RFX3: variants seen among roughly 807,000 people sequenced by gnomAD.
The protein encoded by RFX3 is transcription factor RFX3.
A neutral mutation model predicts 98.6 loss-of-function variants in RFX3; 14 were observed. The observed-to-expected ratio is 0.14, with a 90% confidence interval of 0.09 to 0.22. RFX3 has a LOEUF of 0.22. RFX3 is among the 10% of genes least tolerant of loss of function. RFX3 has a pLI of 1.00. For synonymous variants in RFX3, 383 were observed against 328.4 expected (o/e 1.17, Z -1.80); for missense variants, 639 against 926.9 (o/e 0.69, Z 4.03).
chr9:3,232,997 G>A (rs1018838308), intron 15 of RFX3, among the ~76,000 whole-genome samples: 1 of 152,158 alleles, frequency 6.6e-6, no homozygotes, highest in African/African-American at 2.4e-5. Flanking sequence ...AATAGGAAAC[G>A]TTCCGAAGAG....
chr9:3,259,819 G>A (rs1822630142), intron 13 of RFX3, among the ~76,000 whole-genome samples: 1 of 152,050 alleles, frequency 6.6e-6, no homozygotes, highest in East Asian at 1.9e-4. Context: ...TGGATATCCT[G>A]AAAGGAACTT....
chr9:3,505,317 A>AT (rs1816903852), intron 1 of RFX3, among the ~76,000 whole-genome samples: 4 of 63,936 alleles, frequency 6.3e-5, no homozygotes, highest in African/African-American at 4.0e-4. Context: ...AATATATATT[A>AT]ATGTATATTT....
At chr9:3,446,422 G>T (rs1046746463) in intron 1 of RFX3, among the ~76,000 whole-genome samples, 1 of 151,954 alleles carries the variant, frequency 6.6e-6, no homozygotes, top group Non-Finnish European at 1.5e-5. Context: ...TAATTCTCAA[G>T]AATGTAAAAT....
intron 4 of RFX3, among the ~76,000 whole-genome samples, chr9:3,326,560 C>T (rs1831942742): frequency 6.6e-6 from 1 of 152,108 alleles, no homozygotes; most frequent in African/African-American, 2.4e-5. Context: ...CATTTAGCTT[C>T]CACTTACAAG....
intron 4 of RFX3, among the ~76,000 whole-genome samples, chr9:3,311,452 ATAG>A (rs1356730453): frequency 6.6e-6 from 1 of 152,254 alleles, no homozygotes; most frequent in Non-Finnish European, 1.5e-5. Flanking sequence ...GGTACATCCT[ATAG>A]GAAGCCATTC....
chr9:3,441,308 TGAGAGA>T (rs562907863), intron 1 of RFX3, among the ~76,000 whole-genome samples: 4 of 147,100 alleles, frequency 2.7e-5, no homozygotes, highest in African/African-American at 7.5e-5. Context: ...GCTACAGAAT[TGAGAGA>T]GAGAGAGAGA....
chr9:3,337,068 G>C (rs995881598), intron 3 of RFX3, among the ~76,000 whole-genome samples: 1 of 152,136 alleles, frequency 6.6e-6, no homozygotes, highest in African/African-American at 2.4e-5. Flanking sequence ...TGGGATAGTG[G>C]TAAAGGCCTT....
chr9:3,479,923 A>T (rs1849600110), intron 1 of RFX3, among the ~76,000 whole-genome samples: 1 of 152,210 alleles, frequency 6.6e-6, no homozygotes, highest in African/African-American at 2.4e-5. Context: ...GGGCTTCTGG[A>T]AGAGAAAAGA....
intron 1 of RFX3, among the ~76,000 whole-genome samples, chr9:3,422,197 A>G (rs1442287385): frequency 1.3e-5 from 2 of 152,176 alleles, no homozygotes; most frequent in African/African-American, 4.8e-5. Flanking sequence ...CACAAATAGC[A>G]ATGAACATTA....
chr9:3,353,429 T>C (rs1482152412), intron 2 of RFX3, among the ~76,000 whole-genome samples: 3 of 151,958 alleles, frequency 2.0e-5, no homozygotes. Flanking sequence ...AAGAAGGCAT[T>C]AGAGAAAACG....
At chr9:3,372,884 C>A (rs1197819600) in intron 2 of RFX3, among the ~76,000 whole-genome samples, 1 of 152,138 alleles carries the variant, frequency 6.6e-6, no homozygotes, top group Non-Finnish European at 1.5e-5. Flanking sequence ...CTGTGCCTGG[C>A]CTCACCTCGT....
intron 1 of RFX3, among the ~76,000 whole-genome samples, chr9:3,407,055 C>T (rs1450760691): frequency 6.6e-6 from 1 of 152,136 alleles, no homozygotes; most frequent in Non-Finnish European, 1.5e-5. Flanking sequence ...AATAAGTGGC[C>T]TGGTATGCTT....
intron 1 of RFX3, among the ~76,000 whole-genome samples, chr9:3,434,412 T>C (rs1345170580): frequency 6.6e-6 from 1 of 152,272 alleles, no homozygotes; most frequent in East Asian, 1.9e-4. Flanking sequence ...TGTAACATGG[T>C]AGATTTTCTA....
At chr9:3,469,014 T>C in intron 1 of RFX3, 1 of 331,556 alleles carries the variant, frequency 3.0e-6, no homozygotes, top group South Asian at 2.6e-5. Flanking sequence ...ACTCTCTAAT[T>C]AGTGTAGCCA....
intron 1 of RFX3, among the ~76,000 whole-genome samples, chr9:3,511,516 C>T (rs907435315): frequency 2.0e-5 from 3 of 151,984 alleles, no homozygotes; most frequent in African/African-American, 7.2e-5. Flanking sequence ...ACTATCAGTA[C>T]ATTAGCTCTT....
chr9:3,405,124 A>G (rs1256244700), intron 1 of RFX3, among the ~76,000 whole-genome samples: 2 of 151,698 alleles, frequency 1.3e-5, no homozygotes, highest in African/African-American at 2.4e-5. Context: ...CAAGACATTC[A>G]TTTTTTCCGG....
intron 1 of RFX3, among the ~76,000 whole-genome samples, chr9:3,461,535 T>C (rs2133063059): frequency 6.6e-6 from 1 of 152,146 alleles, no homozygotes; most frequent in Admixed American, 6.5e-5. Flanking sequence ...AATAGTTTCC[T>C]GCCACAAAGA....
intron 1 of RFX3, among the ~76,000 whole-genome samples, chr9:3,485,516 T>C (rs1026658429): frequency 6.6e-6 from 1 of 152,210 alleles, no homozygotes; most frequent in African/African-American, 2.4e-5. Context: ...AGGATACTGC[T>C]TCATTCTAAC....
intron 1 of RFX3, among the ~76,000 whole-genome samples, chr9:3,399,039 T>C (rs1841207624): frequency 6.6e-6 from 1 of 151,710 alleles, no homozygotes; most frequent in South Asian, 2.1e-4. Flanking sequence ...ATTGGCCTTC[T>C]ATGGACTACA....
Sources: gnomAD v4.1 joint callset for allele counts (sites outside exome capture counted in the v4.1 genomes callset) on GRCh38, gnomAD v4.1.1 for gene constraint, MANE v1.5 for transcripts, NCBI Gene and HGNC (gene_info 2026-07-23, HGNC 2026-07-21) for gene names.